Variants in ROBO2 observed in about 807,000 individuals in gnomAD.
The protein encoded by ROBO2 is roundabout guidance receptor 2, also known as roundabout homolog 2.
In ROBO2, 53 loss-of-function variants were observed where a neutral mutation model predicts 160.8. The ratio of observed to expected loss-of-function variants is 0.33; its 90% CI spans 0.26 to 0.41. The LOEUF is 0.41. ROBO2 is among the 10% of genes least tolerant of loss of function. ROBO2 has a pLI of 1.00. For synonymous variants in ROBO2, 664 were observed against 611.7 expected (o/e 1.09, Z -1.26); for missense variants, 1,577 against 1,722.4 (o/e 0.92, Z 1.49).
intron 2 of ROBO2, among the ~76,000 whole-genome samples, chr3:76,304,507 G>A (rs188460721): frequency 1.4e-3 from 215 of 152,236 alleles, no homozygotes; most frequent in African/African-American, 4.9e-3. Context: ...ATTTACTACT[G>A]TCTCTTTGAT....
intron 2 of ROBO2, among the ~76,000 whole-genome samples, chr3:76,972,209 A>T (rs972733461): frequency 6.6e-6 from 1 of 152,214 alleles, no homozygotes; most frequent in African/African-American, 2.4e-5. Context: ...CTCCAAAAAA[A>T]AAATCTTACT....
intron 2 of ROBO2, among the ~76,000 whole-genome samples, chr3:76,890,843 T>G (rs1228257152): frequency 1.3e-5 from 2 of 152,302 alleles, no homozygotes; most frequent in South Asian, 2.1e-4. Flanking sequence ...TCTTGCCTGT[T>G]GCACTTAATA....
chr3:77,058,888 G>A (rs952393729), intron 1 of ROBO2, among the ~76,000 whole-genome samples: 7 of 151,914 alleles, frequency 4.6e-5, no homozygotes, highest in Non-Finnish European at 8.8e-5. Flanking sequence ...GTTTTTGACC[G>A]TTATTGTTAA....
At chr3:77,607,767 C>T (rs184413810) in intron 20 of ROBO2, 31 bp from the exon 22 acceptor site, 2 of 1,600,582 alleles carry the variant, frequency 1.2e-6, no homozygotes, top group Non-Finnish European at 1.7e-6. Context: ...TGCTATTTGG[C>T]ATCTCTGAAT....
At chr3:76,950,602 C>T (rs1202942267) in intron 2 of ROBO2, among the ~76,000 whole-genome samples, 2 of 152,172 alleles carry the variant, frequency 1.3e-5, no homozygotes, top group South Asian at 2.1e-4. Flanking sequence ...CATTCCTGTA[C>T]TCATTGTGGC....
chr3:76,562,740 T>C (rs1240328391), intron 2 of ROBO2, among the ~76,000 whole-genome samples: 2 of 152,242 alleles, frequency 1.3e-5, no homozygotes, highest in Non-Finnish European at 2.9e-5. Context: ...CTTTATACTA[T>C]TCATTAAGAA....
intron 2 of ROBO2, among the ~76,000 whole-genome samples, chr3:76,406,029 G>C (rs1056844746): frequency 6.6e-6 from 1 of 151,296 alleles, no homozygotes; most frequent in Non-Finnish European, 1.5e-5. Context: ...TCTATATATG[G>C]CAATATGAAT....
chr3:77,633,336 A>G (rs1415267042), intron 23 of ROBO2: 2 of 152,226 alleles, frequency 1.3e-5, no homozygotes, highest in Non-Finnish European at 2.9e-5. Flanking sequence ...AAGAACAATT[A>G]TATAATTTTT....
At chr3:75,982,975 T>C (rs574290285) in intron 2 of ROBO2, among the ~76,000 whole-genome samples, 67 of 151,652 alleles carry the variant, frequency 4.4e-4, no homozygotes, top group African/African-American at 1.6e-3. Flanking sequence ...GATACTCGAC[T>C]AGCACTCGCA....
intron 2 of ROBO2, among the ~76,000 whole-genome samples, chr3:76,562,153 AT>A (rs2084219547): frequency 6.6e-6 from 1 of 151,600 alleles, no homozygotes; most frequent in South Asian, 2.1e-4. Flanking sequence ...CCAGTTCTAG[AT>A]TCACCACTTC....
chr3:77,352,107 A>G (rs1411868713), intron 2 of ROBO2, among the ~76,000 whole-genome samples: 1 of 121,448 alleles, frequency 8.2e-6, no homozygotes, highest in African/African-American at 2.7e-5. Context: ...TAATAATAAA[A>G]TTAAAAAAAA....
intron 2 of ROBO2, among the ~76,000 whole-genome samples, chr3:76,890,077 G>A (rs1383510826): frequency 2.0e-5 from 3 of 152,114 alleles, no homozygotes; most frequent in African/African-American, 7.2e-5. Flanking sequence ...AGTCATTTCA[G>A]GATTCTGAGC....
chr3:76,434,445 C>G, intron 2 of ROBO2: 1 of 1,555,092 alleles, frequency 6.4e-7, no homozygotes, highest in Non-Finnish European at 8.9e-7. Context: ...GCCCCCAAGC[C>G]TGGCACTTAT....
At chr3:77,194,377 C>G (rs1361076811) in intron 2 of ROBO2, among the ~76,000 whole-genome samples, 4 of 152,134 alleles carry the variant, frequency 2.6e-5, no homozygotes, top group Non-Finnish European at 5.9e-5. Context: ...CTATTAGTTA[C>G]CTTTGGCAGC....
intron 23 of ROBO2, chr3:77,631,386 G>A (rs561135798): frequency 6.6e-6 from 1 of 151,944 alleles, no homozygotes; most frequent in South Asian, 2.1e-4. Flanking sequence ...AAAATTAAAT[G>A]GTCTATAGCA....
intron 2 of ROBO2, among the ~76,000 whole-genome samples, chr3:77,225,462 T>C (rs1039796946): frequency 1.3e-5 from 2 of 151,924 alleles, no homozygotes; most frequent in Non-Finnish European, 2.9e-5. Flanking sequence ...TCTTCAACAA[T>C]ATGCTGGAAT....
At chr3:76,229,100 AT>A (rs200623782) in intron 2 of ROBO2, among the ~76,000 whole-genome samples, 2,783 of 151,652 alleles carry the variant, frequency 0.018, 101 homozygotes, top group East Asian at 0.13. Flanking sequence ...AGTTTCCACA[AT>A]TTTTTTTTGG....
intron 2 of ROBO2, among the ~76,000 whole-genome samples, chr3:77,122,992 C>T (rs2074931554): frequency 6.6e-6 from 1 of 151,884 alleles, no homozygotes; most frequent in Non-Finnish European, 1.5e-5. Context: ...ACTGTTTGAT[C>T]AAAGTCATTA....
intron 2 of ROBO2, among the ~76,000 whole-genome samples, chr3:76,431,169 A>T (rs1461175550): frequency 1.3e-5 from 2 of 152,146 alleles, no homozygotes; most frequent in African/African-American, 4.8e-5. Flanking sequence ...TTCAAGAAGT[A>T]TACTGTGTAA....
Sources: gnomAD v4.1 joint callset for allele counts (sites outside exome capture counted in the v4.1 genomes callset) on GRCh38, gnomAD v4.1.1 for gene constraint, MANE v1.5 for transcripts, NCBI Gene and HGNC (gene_info 2026-07-23, HGNC 2026-07-21) for gene names.